HMGCLL1: variants seen among roughly 807,000 people sequenced by gnomAD.
HMGCLL1 encodes 3-hydroxymethyl-3-methylglutaryl-CoA lyase, cytoplasmic.
Under a neutral mutation model 39.1 loss-of-function variants are expected in HMGCLL1, and 36 were observed. That is an observed-to-expected ratio of 0.92 (90% CI 0.71 to 1.22). The LOEUF is 1.22. Among genes scored for constraint, HMGCLL1 ranks in the 50% most tolerant of loss-of-function variants. HMGCLL1 has a pLI of 0.00. For synonymous variants in HMGCLL1, 149 were observed against 144.0 expected, an observed-to-expected ratio of 1.03 and a Z score of -0.25; for missense variants, 451 against 416.5, an observed-to-expected ratio of 1.08 and a Z score of -0.72.
chr6:55,633,383 T>A, the HMGCLL1 span, among the ~76,000 whole-genome samples: 1 of 151,692 alleles, frequency 6.6e-6, no homozygotes, highest in Non-Finnish European at 1.5e-5. Flanking sequence ...TAGAGTAGCC[T>A]CAGGAGAAAT....
chr6:55,602,888 T>TC, the HMGCLL1 span, among the ~76,000 whole-genome samples: 1 of 152,134 alleles, frequency 6.6e-6, no homozygotes, highest in Admixed American at 6.6e-5. Context: ...TGTAATTTTT[T>TC]CTAAAACAAT....
intron 1 of HMGCLL1, among the ~76,000 whole-genome samples, chr6:55,564,532 T>C (rs1173703588): frequency 1.3e-5 from 2 of 152,124 alleles, no homozygotes; most frequent in Non-Finnish European, 2.9e-5. Flanking sequence ...TCAGATGGTC[T>C]CTTATAAACA....
At chr6:55,670,432 A>G in the HMGCLL1 span, among the ~76,000 whole-genome samples, 1 of 151,870 alleles carries the variant, frequency 6.6e-6, no homozygotes, top group East Asian at 1.9e-4. Flanking sequence ...AAAATGGTAA[A>G]CATCTGAGTT....
chr6:55,603,470 C>CAGTT, the HMGCLL1 span, among the ~76,000 whole-genome samples: 121,386 of 151,534 alleles, frequency 0.8, 48,940 homozygotes, highest in East Asian at 0.92. Flanking sequence ...TCTCATTGCT[C>CAGTT]AGGGAGAACA....
the HMGCLL1 span, among the ~76,000 whole-genome samples, chr6:55,603,134 C>T: frequency 2.6e-5 from 4 of 151,996 alleles, no homozygotes; most frequent in African/African-American, 4.8e-5. Context: ...AAATTATTCT[C>T]GTTTCTAAGC....
chr6:55,590,029 C>A, the HMGCLL1 span, among the ~76,000 whole-genome samples: 1 of 152,102 alleles, frequency 6.6e-6, no homozygotes, highest in African/African-American at 2.4e-5. Flanking sequence ...CAATGACTTT[C>A]TTCACAGAAT....
intron 5 of HMGCLL1, chr6:55,512,272 A>G (rs918301283): frequency 7.9e-5 from 12 of 152,084 alleles, no homozygotes; most frequent in East Asian, 1.9e-4. Flanking sequence ...TAACTTTCCA[A>G]TGAGAATTAC....
chr6:55,587,916 G>A, the HMGCLL1 span, among the ~76,000 whole-genome samples: 1 of 152,084 alleles, frequency 6.6e-6, no homozygotes, highest in South Asian at 2.1e-4. Flanking sequence ...AGTCATTAGA[G>A]ACCTACAAAG....
At chr6:55,538,149 C>A (rs1769136507) in intron 3 of HMGCLL1, among the ~76,000 whole-genome samples, 1 of 152,074 alleles carries the variant, frequency 6.6e-6, no homozygotes, top group African/African-American at 2.4e-5. Context: ...TCCACTCTTG[C>A]ATAATACTAG....
chr6:55,491,350 A>T (rs987048669), intron 7 of HMGCLL1, among the ~76,000 whole-genome samples: 2 of 152,182 alleles, frequency 1.3e-5, no homozygotes. Context: ...AAAGTATAAT[A>T]AAAAAAGAGT....
chr6:55,514,148 A>AT lies in HMGCLL1; in HGVS notation c.441dup (p.Ser148IlefsTer3). On this transcript the variant is annotated frameshift_variant, in exon 5 of 9. Coordinates refer to ENST00000274901, the MANE Select transcript of HMGCLL1 (RefSeq NM_001042406.2). LOFTEE classifies it high-confidence loss of function. ...CAGTTAATATTCTTCTTGCTAAAGGATTCAGATGCAGCTCCAAAAACTGAT... is the reference window on the plus strand; with the variant it reads ...CAGTTAATATTCTTCTTGCTAAAGGATTTCAGATGCAGCTCCAAAAACTGAT... 6.2e-7 allele frequency: 1 copy of AT among 1,612,204 alleles called. No individual in the cohort carries two copies. Among genetic ancestry groups the AT allele is most frequent in the Non-Finnish European group, 8.5e-7 (1 of 1,179,236 alleles).
intron 5 of HMGCLL1, among the ~76,000 whole-genome samples, chr6:55,511,105 A>G (rs1767435314): frequency 6.6e-6 from 1 of 152,066 alleles, no homozygotes. Flanking sequence ...TACCATTGAT[A>G]AAAGGAAAAT....
At chr6:55,465,795 C>T (rs922534519) in intron 7 of HMGCLL1, among the ~76,000 whole-genome samples, 1 of 152,080 alleles carries the variant, frequency 6.6e-6, no homozygotes, top group African/African-American at 2.4e-5. Flanking sequence ...ATAAACCTTA[C>T]TTGGTAATGT....
chr6:55,553,153 CTCTCTCTA>C (rs1324700798), intron 1 of HMGCLL1, among the ~76,000 whole-genome samples: 49 of 83,030 alleles, frequency 5.9e-4, no homozygotes, highest in African/African-American at 1.9e-3. Flanking sequence ...CTCTCTCTCT[CTCTCTCTA>C]TATATATATA....
chr6:55,655,579 T>TAGATAGATAC, the HMGCLL1 span, among the ~76,000 whole-genome samples: 2 of 49,838 alleles, frequency 4.0e-5, no homozygotes, highest in African/African-American at 6.3e-5. Context: ...TAGATAGATA[T>TAGATAGATAC]CCTGCCTCCA....
chr6:55,575,740 CTAT>C (rs1771730544), intron 1 of HMGCLL1, among the ~76,000 whole-genome samples: 1 of 151,352 alleles, frequency 6.6e-6, no homozygotes, highest in African/African-American at 2.4e-5. Context: ...CATTAAACTA[CTAT>C]GAGGTCCTAT....
the HMGCLL1 span, among the ~76,000 whole-genome samples, chr6:55,646,993 T>C: frequency 6.6e-6 from 1 of 151,986 alleles, no homozygotes; most frequent in African/African-American, 2.4e-5. Context: ...TGCTGCAGTC[T>C]CCAGCTATTC....
intron 8 of HMGCLL1, among the ~76,000 whole-genome samples, chr6:55,438,165 CATTT>C: frequency 6.6e-6 from 1 of 152,158 alleles, no homozygotes. Context: ...TATTTACCCT[CATTT>C]ATGTCATTAG....
chr6:55,559,942 C>A (rs1048841260), intron 1 of HMGCLL1, among the ~76,000 whole-genome samples: 2 of 152,038 alleles, frequency 1.3e-5, no homozygotes, highest in Non-Finnish European at 2.9e-5. Context: ...AAACATGAAC[C>A]TTTAAGGAAA....
Sources: allele counts gnomAD v4.1 joint callset (sites outside exome capture counted in the v4.1 genomes callset), GRCh38; gene constraint gnomAD v4.1.1; transcripts MANE v1.5; gene names NCBI Gene and HGNC (gene_info 2026-07-23, HGNC 2026-07-21).